The following GPC6 variants were observed in gnomAD, a reference collection of about 807,000 sequenced individuals.
The protein encoded by GPC6 is glypican-6.
A neutral mutation model predicts 55.2 loss-of-function variants in GPC6; 14 were observed. That is an observed-to-expected ratio of 0.25 (90% CI 0.17 to 0.40). The LOEUF is 0.40. Among genes scored for constraint, GPC6 ranks in the 10% least tolerant of loss-of-function variants. GPC6 has a pLI of 1.00. For missense variants in GPC6, 641 were observed against 708.5 expected, an observed-to-expected ratio of 0.90 and a Z score of 1.08; for synonymous variants, 278 against 259.6, an observed-to-expected ratio of 1.07 and a Z score of -0.68.
intron 4 of GPC6, among the ~76,000 whole-genome samples, chr13:94,203,207 A>G (rs946093507): frequency 3.3e-5 from 5 of 151,736 alleles, no homozygotes; most frequent in African/African-American, 1.2e-4. Context: ...TGAAATTACA[A>G]TTGCTCAAAG....
chr13:94,042,397 G>T (rs1320997535), intron 4 of GPC6, among the ~76,000 whole-genome samples: 1 of 151,828 alleles, frequency 6.6e-6, no homozygotes, highest in Non-Finnish European at 1.5e-5. Flanking sequence ...CCAAGAAATT[G>T]ATATAATACT....
chr13:93,282,003 T>C (rs1480649359), intron 1 of GPC6, among the ~76,000 whole-genome samples: 2 of 152,192 alleles, frequency 1.3e-5, no homozygotes, highest in Non-Finnish European at 2.9e-5. Flanking sequence ...CAATTTAGCC[T>C]CTCATTTTCA....
intron 1 of GPC6, among the ~76,000 whole-genome samples, chr13:93,399,061 G>GACACACACACACACAC (rs35212206): frequency 6.6e-6 from 1 of 150,650 alleles, no homozygotes; most frequent in Admixed American, 6.6e-5. Context: ...CACACACACA[G>GACACACACACACACAC]ACACACACAC....
intron 6 of GPC6, among the ~76,000 whole-genome samples, chr13:94,339,028 C>G (rs1291859357): frequency 6.6e-6 from 1 of 151,946 alleles, no homozygotes; most frequent in African/African-American, 2.4e-5. Context: ...AGGCTATTAC[C>G]AAGGGTTCAG....
intron 2 of GPC6, among the ~76,000 whole-genome samples, chr13:93,631,579 TAAA>T (rs1879437799): frequency 6.6e-6 from 1 of 152,232 alleles, no homozygotes; most frequent in South Asian, 2.1e-4. Flanking sequence ...CAATATTTTC[TAAA>T]AAGTTTTACC....
intron 3 of GPC6, among the ~76,000 whole-genome samples, chr13:93,835,850 A>G (rs901048570): frequency 2.0e-5 from 3 of 152,198 alleles, no homozygotes; most frequent in Non-Finnish European, 4.4e-5. Context: ...TCAACTTTGC[A>G]AGTCATCTCA....
intron 1 of GPC6, among the ~76,000 whole-genome samples, chr13:93,334,494 A>G (rs1879976322): frequency 6.6e-6 from 1 of 152,008 alleles, no homozygotes; most frequent in Non-Finnish European, 1.5e-5. Context: ...ACAGAGTCTC[A>G]CTCTGTTGCC....
chr13:93,758,427 T>C (rs1291335390), intron 2 of GPC6, among the ~76,000 whole-genome samples: 4 of 152,274 alleles, frequency 2.6e-5, no homozygotes, highest in African/African-American at 9.6e-5. Flanking sequence ...CTTTCCTCTC[T>C]CTCCCTGTCT....
At chr13:94,305,354 A>T (rs1875886729) in intron 5 of GPC6, among the ~76,000 whole-genome samples, 1 of 152,206 alleles carries the variant, frequency 6.6e-6, no homozygotes, top group Non-Finnish European at 1.5e-5. Flanking sequence ...TGATTCATTA[A>T]CATTGAACTC....
chr13:93,631,489 A>C (rs1367087296), intron 2 of GPC6, among the ~76,000 whole-genome samples: 1 of 152,200 alleles, frequency 6.6e-6, no homozygotes, highest in Non-Finnish European at 1.5e-5. Flanking sequence ...TTGTTGTTTA[A>C]GCCACTGACT....
At chr13:93,615,096 T>G (rs1381048658) in intron 2 of GPC6, among the ~76,000 whole-genome samples, 3 of 152,286 alleles carry the variant, frequency 2.0e-5, no homozygotes, top group Non-Finnish European at 4.4e-5. Context: ...AATTTTTGTT[T>G]TCTTTAAATT....
rs537445574 is a variant in GPC6 at position 93,841,945 on chromosome 13, G to A, written c.711+11400G>A. On this transcript the variant is annotated intron_variant, in intron 3 of 8. Coordinates refer to ENST00000377047, the MANE Select transcript of GPC6 (RefSeq NM_005708.5). Reference sequence around the variant, plus strand: ...AACTTTCATAAATACATTAATTACGGAAACATTATGCATACTATTTTTATA... The same window carrying A: ...AACTTTCATAAATACATTAATTACGAAAACATTATGCATACTATTTTTATA... 7.9e-5 allele frequency among the ~76,000 whole-genome samples: 12 copies of A among 152,190 alleles called. No homozygotes were observed. In the South Asian group the frequency reaches 2.5e-3, roughly 32 times the overall value.
At chr13:93,822,201 T>C (rs922078217) in intron 2 of GPC6, among the ~76,000 whole-genome samples, 1 of 152,108 alleles carries the variant, frequency 6.6e-6, no homozygotes, top group Admixed American at 6.6e-5. Context: ...CAATATTTTC[T>C]ATGTGTACAA....
At chr13:93,450,957 A>G (rs1878203290) in intron 1 of GPC6, among the ~76,000 whole-genome samples, 1 of 152,184 alleles carries the variant, frequency 6.6e-6, no homozygotes, top group Non-Finnish European at 1.5e-5. Context: ...AGACCAGTGA[A>G]AAGGTTGTTA....
intron 3 of GPC6, among the ~76,000 whole-genome samples, chr13:93,921,384 GCA>G (rs1369024188): frequency 6.6e-6 from 1 of 152,086 alleles, no homozygotes; most frequent in Non-Finnish European, 1.5e-5. Context: ...TGCCCTCTTG[GCA>G]CCCAGGTTCT....
intron 2 of GPC6, among the ~76,000 whole-genome samples, chr13:93,655,236 C>T (rs929221587): frequency 1.3e-5 from 2 of 151,834 alleles, no homozygotes; most frequent in Non-Finnish European, 2.9e-5. Flanking sequence ...TTTTTTTCCC[C>T]AGATATATGA....
intron 4 of GPC6, among the ~76,000 whole-genome samples, chr13:94,255,896 C>T (rs1891488017): frequency 6.6e-6 from 1 of 152,124 alleles, no homozygotes; most frequent in Admixed American, 6.6e-5. Context: ...ACCCTAGAGC[C>T]TTGCTACTCA....
chr13:94,324,274 G>GC (rs1876989660), intron 6 of GPC6, among the ~76,000 whole-genome samples: 1 of 149,102 alleles, frequency 6.7e-6, no homozygotes, highest in South Asian at 2.2e-4. Flanking sequence ...CATGCCTGTG[G>GC]CCTCAGGTCA....
chr13:93,545,521 T>C (rs941707278), intron 2 of GPC6, 100 bp downstream of exon 2: 19 of 957,342 alleles, frequency 2.0e-5, no homozygotes, highest in Non-Finnish European at 2.6e-5. Flanking sequence ...GGAGCTTTTC[T>C]ATCCCTCTTA....
Sources: allele counts gnomAD v4.1 joint callset (sites outside exome capture counted in the v4.1 genomes callset), GRCh38; gene constraint gnomAD v4.1.1; transcripts MANE v1.5; gene names NCBI Gene and HGNC (gene_info 2026-07-23, HGNC 2026-07-21).